DAB1: variants seen among roughly 807,000 people sequenced by gnomAD.
The protein encoded by DAB1 is disabled homolog 1.
In DAB1, 15 loss-of-function variants were observed where a neutral mutation model predicts 64.6. The ratio of observed to expected loss-of-function variants is 0.23; its 90% confidence interval spans 0.16 to 0.36. The LOEUF is 0.36. DAB1 is among the 10% of genes least tolerant of loss of function. DAB1 has a pLI of 1.00. For missense variants in DAB1, 596 were observed against 706.7 expected (o/e 0.84, Z 1.78); for synonymous variants, 235 against 251.9 (o/e 0.93, Z 0.64).
intron 3 of DAB1, among the ~76,000 whole-genome samples, chr1:58,409,404 T>C (rs1048328966): frequency 6.6e-6 from 1 of 152,156 alleles, no homozygotes; most frequent in African/African-American, 2.4e-5. Flanking sequence ...TATGCCACCC[T>C]TCCCCCAGGA....
chr1:57,509,237 T>C (rs1485480181), intron 7 of DAB1, among the ~76,000 whole-genome samples: 2 of 152,122 alleles, frequency 1.3e-5, no homozygotes, highest in Non-Finnish European at 2.9e-5. Context: ...GCCTAGCCTA[T>C]AACACATGCT....
intron 4 of DAB1, among the ~76,000 whole-genome samples, chr1:58,259,747 C>T (rs768644149): frequency 2.0e-5 from 3 of 152,154 alleles, no homozygotes; most frequent in Non-Finnish European, 4.4e-5. Context: ...CTCTTCCAAA[C>T]CCAATTAAAG....
intron 5 of DAB1, among the ~76,000 whole-genome samples, chr1:58,033,143 G>C (rs1380167317): frequency 6.6e-6 from 1 of 152,182 alleles, no homozygotes; most frequent in East Asian, 1.9e-4. Flanking sequence ...GGGTTCCCAG[G>C]TCCTCTGCTC....
chr1:58,263,074 ACAATAC>A (rs1377185145), intron 4 of DAB1, among the ~76,000 whole-genome samples: 1 of 152,228 alleles, frequency 6.6e-6, no homozygotes, highest in Non-Finnish European at 1.5e-5. Context: ...TCTTACTGAT[ACAATAC>A]CTTGTAAAAT....
chr1:58,545,937 G>A (rs1367658390), intron 1 of DAB1, among the ~76,000 whole-genome samples: 1 of 152,222 alleles, frequency 6.6e-6, no homozygotes, highest in Non-Finnish European at 1.5e-5. Context: ...CACCCCGGCT[G>A]AGAATGACGG....
chr1:57,562,837 C>G (rs1227059594), intron 7 of DAB1, among the ~76,000 whole-genome samples: 1 of 152,182 alleles, frequency 6.6e-6, no homozygotes, highest in Admixed American at 6.5e-5. Flanking sequence ...ACACTTTGGG[C>G]TCCTCCTCCC....
At chr1:57,659,378 A>C (rs6587787) in intron 6 of DAB1, among the ~76,000 whole-genome samples, 121,607 of 152,120 alleles carry the variant, frequency 0.8, 48,870 homozygotes, top group Non-Finnish European at 0.84. Flanking sequence ...AGGTCATTGC[A>C]TTAAACACAG....
chr1:57,258,419 T>C (rs1418000633), intron 2 of DAB1, among the ~76,000 whole-genome samples: 1 of 152,118 alleles, frequency 6.6e-6, no homozygotes, highest in African/African-American at 2.4e-5. Flanking sequence ...ACCATTTCCC[T>C]TCTTACTTCC....
At chr1:57,147,784 TAAGTCCAG>T (rs1336556071) in intron 2 of DAB1, among the ~76,000 whole-genome samples, 4 of 152,192 alleles carry the variant, frequency 2.6e-5, no homozygotes, top group Non-Finnish European at 5.9e-5. Context: ...ATCAACTTGT[TAAGTCCAG>T]AAAATAATTG....
intron 7 of DAB1, among the ~76,000 whole-genome samples, chr1:57,502,381 G>A (rs914406752): frequency 6.6e-5 from 10 of 151,626 alleles, no homozygotes; most frequent in African/African-American, 2.4e-4. Flanking sequence ...AGTCAATTGT[G>A]GAAAATTTAA....
chr1:57,273,561 T>G (rs55976002), intron 2 of DAB1, among the ~76,000 whole-genome samples: 37,420 of 97,870 alleles, frequency 0.38, 6,382 homozygotes, highest in Admixed American at 0.49. Context: ...CTGCCTTCCT[T>G]CCTTCCTTCC....
At chr1:57,927,734 C>A (rs1055382824) in intron 5 of DAB1, among the ~76,000 whole-genome samples, 3 of 152,170 alleles carry the variant, frequency 2.0e-5, no homozygotes, top group African/African-American at 7.2e-5. Context: ...TAAAACAATG[C>A]ATACCTTTCA....
chr1:57,029,401 G>A (rs1054709859), intron 9 of DAB1, among the ~76,000 whole-genome samples: 33 of 152,208 alleles, frequency 2.2e-4, no homozygotes, highest in South Asian at 4.1e-4. Flanking sequence ...GGGCAGTGTG[G>A]AAGGGAAATG....
intron 1 of DAB1, among the ~76,000 whole-genome samples, chr1:57,866,631 CTGACTGTAAA>C (rs887595869): frequency 6.6e-6 from 1 of 152,126 alleles, no homozygotes; most frequent in Non-Finnish European, 1.5e-5. Flanking sequence ...CTCAGTTTCC[CTGACTGTAAA>C]TGGGGATGAT....
At chr1:57,414,840 G>A (rs1162465396) in intron 1 of DAB1, among the ~76,000 whole-genome samples, 5 of 151,854 alleles carry the variant, frequency 3.3e-5, no homozygotes, top group Non-Finnish European at 7.4e-5. Context: ...AAACTGTATT[G>A]AAAGACATTA....
At chr1:58,421,790 C>T (rs971250499) in intron 3 of DAB1, among the ~76,000 whole-genome samples, 2 of 152,088 alleles carry the variant, frequency 1.3e-5, no homozygotes, top group African/African-American at 4.8e-5. Flanking sequence ...GAAGAGAAGT[C>T]GCAGAGATAA....
chr1:58,359,715 A>G (rs1005851383), intron 3 of DAB1, among the ~76,000 whole-genome samples: 2 of 152,258 alleles, frequency 1.3e-5, no homozygotes, highest in Non-Finnish European at 2.9e-5. Context: ...GATAATTAAC[A>G]ATGATGGCAG....
At chr1:57,596,497 T>TG (rs1227207910) in intron 7 of DAB1, among the ~76,000 whole-genome samples, 1 of 152,068 alleles carries the variant, frequency 6.6e-6, no homozygotes, top group East Asian at 1.9e-4. Flanking sequence ...TTATGGATTT[T>TG]TTTTTTTAAA....
At chr1:57,628,899 G>A (rs1645954753) in intron 7 of DAB1, among the ~76,000 whole-genome samples, 1 of 152,158 alleles carries the variant, frequency 6.6e-6, no homozygotes, top group Non-Finnish European at 1.5e-5. Flanking sequence ...TTGTCTCAAA[G>A]CAATAATTAC....
Sources: gnomAD v4.1 joint callset for allele counts (sites outside exome capture counted in the v4.1 genomes callset) on GRCh38, gnomAD v4.1.1 for gene constraint, MANE v1.5 for transcripts, NCBI Gene and HGNC (gene_info 2026-07-23, HGNC 2026-07-21) for gene names.